RNF149: variants seen among roughly 807,000 people sequenced by gnomAD.
RNF149 encodes ring finger protein 149, also known as E3 ubiquitin-protein ligase RNF149.
A neutral mutation model predicts 39.0 loss-of-function variants in RNF149; 21 were observed. The observed-to-expected ratio is 0.54, with a 90% CI of 0.38 to 0.77. RNF149 has a LOEUF of 0.77. Ranked by LOEUF, RNF149 falls within the 30% of genes least tolerant of loss-of-function variation. RNF149 has a pLI of 0.00. For missense variants in RNF149, 493 were observed against 534.9 expected, an observed-to-expected ratio of 0.92 and a Z score of 0.77; for synonymous variants, 209 against 213.6, an observed-to-expected ratio of 0.98 and a Z score of 0.19.
intron 5 of RNF149, among the ~76,000 whole-genome samples, chr2:101,282,815 C>CG (rs879328010): frequency 5.3e-5 from 8 of 152,176 alleles, no homozygotes; most frequent in African/African-American, 1.9e-4. Flanking sequence ...ACACCACTCA[C>CG]GGGCACCCCT....
chr2:101,293,916 T>C (rs1683114922), intron 3 of RNF149, 98 bp downstream of exon 3: 6 of 691,470 alleles, frequency 8.7e-6, no homozygotes, highest in African/African-American at 3.7e-5. Context: ...CCCTTCTCAA[T>C]GACAAAATAT....
rs1682375848 is a variant in RNF149 at position 101,277,164 on chromosome 2, C to T, written c.*74G>A. On this transcript the variant is annotated 3_prime_UTR_variant, in exon 7 of 7. Transcript: ENST00000295317. ...TATTTTCAAATATACAAATTATGTG[C>T]TAAAGTAAAAAAAATAAAATGTCCT... is the stretch of plus-strand genomic sequence containing the variant. The T allele has an allele frequency of 3.2e-6, 5 of 1,562,344 alleles. No homozygotes were observed. The East Asian group carries it at 1.2e-4, about 37-fold the overall frequency.
At chr2:101,295,274 T>C (rs1683179660) in intron 1 of RNF149, 93 bp from the exon 2 acceptor site, 1 of 1,063,060 alleles carries the variant, frequency 9.4e-7, no homozygotes, top group South Asian at 1.6e-5. Flanking sequence ...TTCATCTACA[T>C]ATATAAATAC....
At chr2:101,293,891 T>C (rs1683112644) in intron 3 of RNF149, 123 bp downstream of exon 3, 2 of 603,256 alleles carry the variant, frequency 3.3e-6, no homozygotes, top group East Asian at 2.8e-5. Context: ...ACCATATTAA[T>C]GCAGGTCTAG....
At chr2:101,285,042 G>A (rs986760362) in intron 5 of RNF149, among the ~76,000 whole-genome samples, 24 of 151,980 alleles carry the variant, frequency 1.6e-4, no homozygotes, top group African/African-American at 4.4e-4. Flanking sequence ...CTACAGGAGC[G>A]TGCCATCATA....
intron 1 of RNF149, 87 bp downstream of exon 1, chr2:101,308,042 C>G: frequency 6.7e-7 from 1 of 1,501,952 alleles, no homozygotes; most frequent in African/African-American, 1.5e-5. Flanking sequence ...GCCCGCTTCG[C>G]GGCCTGCGGT....
At chr2:101,289,706 TCA>T (rs1682937539) in intron 3 of RNF149, among the ~76,000 whole-genome samples, 1 of 112,524 alleles carries the variant, frequency 8.9e-6, no homozygotes, top group African/African-American at 3.5e-5. Flanking sequence ...AGACTCTGTC[TCA>T]AAAAAAAAAA....
In RNF149 at chr2:101,308,677, C is replaced by T. The variant is rs947246558; in HGVS notation, c.-89G>A. The T allele has an allele frequency of 2.4e-6, 3 of 1,235,814 alleles. No homozygotes were observed. Among genetic ancestry groups the T allele is most frequent in the South Asian group, 3.3e-5 (2 of 60,544 alleles). 76.6% of individuals were successfully genotyped at this position (1,235,814 alleles called of 1,614,324 possible). Reference sequence around the variant, plus strand: ...GCAGAGAGAAGCGGACACCCACCGCCGCCCTGGAAGACTGAGGCGGGGTCG... The same window carrying T: ...GCAGAGAGAAGCGGACACCCACCGCTGCCCTGGAAGACTGAGGCGGGGTCG... On this transcript the variant is annotated 5_prime_UTR_variant, in exon 1 of 7. Coordinates refer to ENST00000295317, the MANE Select transcript of RNF149 (RefSeq NM_173647.4).
At chr2:101,273,398 G>A (rs1340383424), downstream of RNF149, 1 of 469,222 alleles carries the variant, frequency 2.1e-6, no homozygotes, top group Non-Finnish European at 4.4e-6. Context: ...AATGAAACCT[G>A]ATTTATTATA....
At chr2:101,281,780 T>G in intron 6 of RNF149, 79 bp downstream of exon 6, 3 of 1,548,896 alleles carry the variant, frequency 1.9e-6, no homozygotes, top group Non-Finnish European at 2.6e-6. Flanking sequence ...CACCTTAAAC[T>G]CCCAAAGCAC....
intron 1 of RNF149, among the ~76,000 whole-genome samples, chr2:101,297,335 G>T (rs974428828): frequency 5.9e-5 from 9 of 152,230 alleles, no homozygotes; most frequent in Middle Eastern, 6.8e-3. Context: ...TTGCAGAAAA[G>T]AAAATAAAAA....
chr2:101,301,293 A>C lies in RNF149; in HGVS notation c.461-6112T>G, dbSNP rs1396363443. On this transcript the variant is annotated intron_variant, in intron 1 of 6. Transcript: ENST00000295317. ...ATCTTTGCACATAGTACATAATCATAAATCTACTTGCTGAACAATACTAAA... is the reference window on the plus strand; with the variant it reads ...ATCTTTGCACATAGTACATAATCATCAATCTACTTGCTGAACAATACTAAA... Among the ~76,000 whole-genome samples, 4 of 151,932 alleles carry C rather than the reference A, an allele frequency of 2.6e-5. No homozygotes were observed. The East Asian group carries it at 5.8e-4, about 22-fold the overall frequency.
At chr2:101,277,543 C>T (rs1208368093) in intron 6 of RNF149, among the ~76,000 whole-genome samples, 1 of 152,140 alleles carries the variant, frequency 6.6e-6, no homozygotes, top group African/African-American at 2.4e-5. Flanking sequence ...CACCCGCCAC[C>T]ACATTCAGCT....
intron 6 of RNF149, among the ~76,000 whole-genome samples, chr2:101,279,631 A>G (rs1194015343): frequency 2.0e-5 from 3 of 152,218 alleles, no homozygotes; most frequent in African/African-American, 7.2e-5. Flanking sequence ...GCCCAGTCTT[A>G]GCTGGAGAGC....
chr2:101,304,074 AG>A (rs1299785092), intron 1 of RNF149, among the ~76,000 whole-genome samples: 1 of 152,240 alleles, frequency 6.6e-6, no homozygotes, highest in East Asian at 1.9e-4. Context: ...ACCTTGGTCA[AG>A]CTTACTTTGA....
chr2:101,308,210 C>T lies in RNF149; in HGVS notation c.379G>A (p.Ala127Thr). 2 of 1,608,482 alleles carry T rather than the reference C, an allele frequency of 1.2e-6. No individual in the cohort carries two copies. Among genetic ancestry groups the T allele is most frequent in the Non-Finnish European group, 1.7e-6 (2 of 1,178,568 alleles). ...GCTFKDKVLVAARRNASAVVL... is the reference protein window; with the variant it reads ...GCTFKDKVLVTARRNASAVVL... ...ACGGCCGAGGCGTTCCTCCGCGCCG[C>T]CACCAGCACCTTGTCCTTGAAGGTG... Residue 127 changes from alanine to threonine, a missense_variant, in exon 1 of 7, where the codon GCG becomes ACG. Transcript: ENST00000295317.
intron 6 of RNF149, among the ~76,000 whole-genome samples, chr2:101,280,498 T>G (rs796885544): frequency 7.9e-5 from 12 of 152,184 alleles, no homozygotes; most frequent in African/African-American, 2.9e-4. Context: ...ACTAGCAAAG[T>G]ACAGGTCAAT....
rs566804274 is a variant in RNF149 at position 101,294,069 on chromosome 2, T to A, written c.725A>T (p.Glu242Val). 28 of 1,560,130 alleles carry A rather than the reference T, an allele frequency of 1.8e-5. No individual in the cohort carries two copies. In the South Asian group the frequency reaches 3.1e-4, roughly 17 times the overall value. The change falls in exon 3 of 7, where the codon GAA becomes GTA. Residue 242 changes from glutamate (E) to valine (V), a missense_variant. Physicochemically the swap from Glu to Val is moderately radical, Grantham distance 121 (BLOSUM62 -2). Transcript: ENST00000295317. ...AAGCTGGCCAATAACTTTCTTAGTTTCTTTTCTATGGCTCTTGGGTAGGAA... is the reference window on the plus strand; with the variant it reads ...AAGCTGGCCAATAACTTTCTTAGTTACTTTTCTATGGCTCTTGGGTAGGAA... ...SQIGSQSHRK[E>V]TKKVIGQLLL... is the part of the protein sequence containing the mutation.
intron 6 of RNF149, among the ~76,000 whole-genome samples, chr2:101,280,157 C>A (rs1269514073): frequency 2.0e-5 from 3 of 148,832 alleles, no homozygotes; most frequent in African/African-American, 7.4e-5. Flanking sequence ...GACTGGCCGA[C>A]AGAGCAAGAC....
Sources: allele counts gnomAD v4.1 joint callset (sites outside exome capture counted in the v4.1 genomes callset), GRCh38; gene constraint gnomAD v4.1.1; transcripts MANE v1.5; gene names NCBI Gene and HGNC (gene_info 2026-07-23, HGNC 2026-07-21).